The following SLC25A14 variants were observed in gnomAD, a reference collection of about 807,000 sequenced individuals.
SLC25A14 encodes solute carrier family 25 member 14, also known as brain mitochondrial carrier protein 1.
A neutral mutation model predicts 28.1 loss-of-function variants in SLC25A14; 8 were observed. That is an observed-to-expected ratio of 0.28 (90% confidence interval 0.17 to 0.51). The LOEUF is 0.51. SLC25A14 is among the 20% of genes least tolerant of loss of function. The pLI, the probability that SLC25A14 is intolerant of heterozygous loss-of-function variation, is 0.97. For synonymous variants in SLC25A14, 74 were observed against 90.6 expected (o/e 0.82, Z 1.04); for missense variants, 135 against 263.8 (o/e 0.51, Z 3.38).
intron 9 of SLC25A14, among the ~76,000 whole-genome samples, 165 bp from the exon 10 acceptor site, chrX:130,371,399 T>G (rs1318947015): frequency 9.0e-6 from 1 of 111,474 alleles, no homozygotes; most frequent in Non-Finnish European, 1.9e-5. Context: ...AAATATTTAT[T>G]GATTAAGTGG....
chrX:130,369,897 G>A, intron 9 of SLC25A14, among the ~76,000 whole-genome samples: 2 of 112,159 alleles, frequency 1.8e-5, no homozygotes, highest in South Asian at 7.5e-4. Flanking sequence ...CCATTTGAGA[G>A]CTTTAAGCAG....
At chrX:130,368,025 C>T (rs2034163564) in intron 9 of SLC25A14, among the ~76,000 whole-genome samples, 1 of 112,492 alleles carries the variant, frequency 8.9e-6, no homozygotes, top group East Asian at 2.8e-4. Context: ...GTGATCCACC[C>T]GCCTTGGCCT....
chrX:130,357,891 C>T (rs1328322109), intron 6 of SLC25A14, among the ~76,000 whole-genome samples: 3 of 112,006 alleles, frequency 2.7e-5, no homozygotes, highest in Non-Finnish European at 3.8e-5. Flanking sequence ...AAATAGAACT[C>T]AACTTAAGGT....
At chrX:130,355,577 A>C (rs755583278) in intron 6 of SLC25A14, among the ~76,000 whole-genome samples, 120 of 111,745 alleles carry the variant, frequency 1.1e-3, no homozygotes, top group Non-Finnish European at 1.8e-3. Context: ...TAAAAGGAAT[A>C]TTTTTCTATA....
chrX:130,364,684 C>T lies in SLC25A14; in HGVS notation c.651C>T (p.Val217=), dbSNP rs2034070513. The stretch of plus-strand genomic sequence containing the variant: ...TCGTTGTAGGAGTAGAGCTACCAGT[C>T]TATGATATTACTAAGAAGCATTTAA... ...AAIVVGVELP[V]YDITKKHLIL... is the part of the protein sequence containing the mutation. Residue 217 remains valine, a synonymous_variant, in exon 8 of 11, where the codon GTC becomes GTT. Transcript: ENST00000545805. The T allele has an allele frequency of 8.3e-7, 1 of 1,208,470 alleles. No homozygotes were observed. Among genetic ancestry groups the T allele is most frequent in the East Asian group, 3.0e-5 (1 of 33,760 alleles).
At chrX:130,354,145 G>A (rs1023023508) in intron 6 of SLC25A14, among the ~76,000 whole-genome samples, 6 of 98,371 alleles carry the variant, frequency 6.1e-5, no homozygotes, top group African/African-American at 1.9e-4. Flanking sequence ...ACGGAGTCTC[G>A]CTCTGTCTCC....
intron 2 of SLC25A14, 130 bp from the exon 3 acceptor site, chrX:130,345,052 C>T: frequency 2.1e-6 from 1 of 475,628 alleles, no homozygotes; most frequent in Admixed American, 3.6e-5. Context: ...ATTTTTGTGT[C>T]ATTCCACTTG....
At chrX:130,368,854 C>A (rs2034192634) in intron 9 of SLC25A14, among the ~76,000 whole-genome samples, 1 of 112,168 alleles carries the variant, frequency 8.9e-6, no homozygotes, top group African/African-American at 3.2e-5. Context: ...CTTACAGCCA[C>A]TATGCTGTTC....
intron 4 of SLC25A14, 43 bp downstream of exon 4, chrX:130,346,734 T>C: frequency 9.1e-7 from 1 of 1,098,694 alleles, no homozygotes; most frequent in Non-Finnish European, 1.2e-6. Flanking sequence ...GAAATGCTTT[T>C]TAAAGAAGCC....
At chrX:130,340,052 C>T in intron 1 of SLC25A14, 55 bp from the exon 2 acceptor site, 1 of 1,019,435 alleles carries the variant, frequency 9.8e-7, no homozygotes, top group Admixed American at 4.4e-5. Context: ...CCGGGCTGGC[C>T]TGGTTCCCGG....
chrX:130,347,267 G>A lies in SLC25A14; in HGVS notation c.317+576G>A, dbSNP rs5975184. Among the ~76,000 whole-genome samples, 1,026 of 111,027 alleles carry A rather than the reference G, an allele frequency of 9.2e-3. 12 individuals are homozygous for A. The highest frequency in any genetic ancestry group is 0.032 in the African/African-American group (985 of 30,572). On this transcript the variant is annotated intron_variant, in intron 4 of 10. Transcript: ENST00000545805. The stretch of plus-strand genomic sequence containing the variant: ...TTTTATTGTTAAACTATGTTACATC[G>A]TTAAACTATGTTAGACTTAATTTAA...
intron 4 of SLC25A14, among the ~76,000 whole-genome samples, chrX:130,348,691 T>C (rs2033520323): frequency 9.1e-6 from 1 of 109,514 alleles, no homozygotes; most frequent in South Asian, 3.8e-4. Flanking sequence ...TTGTGCTTTT[T>C]ATTATTTTCT....
chrX:130,344,118 A>G (rs1361716953), intron 2 of SLC25A14, among the ~76,000 whole-genome samples: 2 of 112,710 alleles, frequency 1.8e-5, no homozygotes, highest in African/African-American at 6.4e-5. Context: ...TGCTAAGAAC[A>G]GATACTACTT....
At chrX:130,362,093 C>T (rs2033984378) in intron 7 of SLC25A14, among the ~76,000 whole-genome samples, 2 of 104,667 alleles carry the variant, frequency 1.9e-5, no homozygotes, top group Admixed American at 2.1e-4. Context: ...TGTGTCACTT[C>T]CACTTCATTT....
chrX:130,346,150 A>T (rs1437848076), intron 3 of SLC25A14, among the ~76,000 whole-genome samples: 3 of 111,149 alleles, frequency 2.7e-5, no homozygotes, highest in East Asian at 2.8e-4. Context: ...TCTTTGTGAA[A>T]ATTTAGGGAG....
intron 2 of SLC25A14, 147 bp from the exon 3 acceptor site, chrX:130,345,035 A>C (rs1187463704): frequency 4.4e-6 from 2 of 455,693 alleles, no homozygotes; most frequent in Non-Finnish European, 7.7e-6. Context: ...ATAAAACAGG[A>C]TCCCCCATTT....
In SLC25A14 at chrX:130,349,320, G is replaced by A. The variant is rs748569173; in HGVS notation, c.387G>A (p.Lys129=). Residue 129 remains lysine, a synonymous_variant, in exon 5 of 11, where the codon AAG becomes AAA. Transcript: ENST00000545805. ...AAATTGGGATTTACCAAAGCTTGAA[G>A]CGCTTATTCGTAGAACGTTTAGAAG... ...TIKIGIYQSL[K]RLFVERLEDE... 8.4e-7 allele frequency: 1 copy of A among 1,187,537 alleles called. No homozygotes were observed. Among genetic ancestry groups the A allele is most frequent in the African/African-American group, 1.8e-5 (1 of 56,335 alleles).
chrX:130,372,837 T>C, intron 10 of SLC25A14, 72 bp from the exon 11 acceptor site: 2 of 701,298 alleles, frequency 2.9e-6, no homozygotes, highest in South Asian at 4.5e-5. Context: ...TTTAAGAGAA[T>C]GCGATGCTAA....
intron 10 of SLC25A14, among the ~76,000 whole-genome samples, chrX:130,372,088 C>T (rs1239209372): frequency 1.8e-5 from 2 of 112,148 alleles, no homozygotes; most frequent in East Asian, 5.6e-4. Context: ...TCTGTCTCCT[C>T]CAGTTGTGTT....
Sources: gnomAD v4.1 joint callset for allele counts (sites outside exome capture counted in the v4.1 genomes callset) on GRCh38, gnomAD v4.1.1 for gene constraint, MANE v1.5 for transcripts, NCBI Gene and HGNC (gene_info 2026-07-23, HGNC 2026-07-21) for gene names.